Variants in DPCD observed in about 807,000 individuals in gnomAD.
DPCD encodes deleted in primary ciliary dyskinesia homolog (mouse), also known as protein DPCD.
A neutral mutation model predicts 26.4 loss-of-function variants in DPCD; 20 were observed. The observed-to-expected ratio is 0.76, with a 90% confidence interval of 0.53 to 1.10. The LOEUF is 1.10. Among genes scored for constraint, DPCD ranks in the 50% least tolerant of loss-of-function variants. DPCD has a pLI of 0.00. For missense variants in DPCD, 202 were observed against 253.9 expected (o/e 0.80, Z 1.39); for synonymous variants, 97 against 94.2 (o/e 1.03, Z -0.17).
intron 1 of DPCD, 92 bp from the exon 2 acceptor site, chr10:101,594,566 G>A: frequency 7.6e-7 from 1 of 1,323,804 alleles, no homozygotes; most frequent in African/African-American, 1.4e-5. Flanking sequence ...GTACTCCCAA[G>A]GCTGGCACTG....
At chr10:101,602,490 T>C (rs2063705117) in intron 4 of DPCD, among the ~76,000 whole-genome samples, 1 of 152,246 alleles carries the variant, frequency 6.6e-6, no homozygotes, top group Non-Finnish European at 1.5e-5. Context: ...ATTATTGCTG[T>C]ACATGCAGCC....
Position 101,600,871 on chromosome 10 carries a change from A to G in DPCD, c.270+9A>G. 6.2e-7 allele frequency: 1 copy of G among 1,613,870 alleles called. No homozygotes were observed. Among genetic ancestry groups the G allele is most frequent in the Non-Finnish European group, 8.5e-7 (1 of 1,179,938 alleles). On this transcript the variant is annotated intron_variant, in intron 3 of 5. Transcript: ENST00000370151. This position sits in a 1 kb window ranked among gnomAD's most constrained non-coding sequence, Gnocchi z 4.7. ...AGGAAAGCAATGCCAATGTACGTCC[A>G]TCTGTCCAGGTGTCTTGCACGGACT...
chr10:101,590,764 C>G (rs1023428105), intron 1 of DPCD, among the ~76,000 whole-genome samples: 64 of 151,962 alleles, frequency 4.2e-4, no homozygotes, highest in Non-Finnish European at 2.9e-5. Context: ...TCTGTACCCA[C>G]CAAATGCCAA....
Position 101,596,070 on chromosome 10 carries a change from G to A in DPCD, c.145+1332G>A, listed in dbSNP as rs1361108739. On this transcript the variant is annotated intron_variant, in intron 2 of 5. Transcript: ENST00000370151. ...GTAAAAACAAACAAATAAAACCCAG[G>A]CCTCTTTGTTGTGCTTGGATATGAA... 2.0e-5 allele frequency among the ~76,000 whole-genome samples: 3 copies of A among 152,154 alleles called. No individual in the cohort carries two copies. In the East Asian group the frequency reaches 5.8e-4, roughly 29 times the overall value.
chr10:101,590,456 T>C (rs2063598144), intron 1 of DPCD, among the ~76,000 whole-genome samples: 1 of 152,106 alleles, frequency 6.6e-6, no homozygotes, highest in African/African-American at 2.4e-5. Flanking sequence ...TGGTAATAAA[T>C]ACATAACAGA....
rs4919561 is a variant in DPCD at position 101,600,240 on chromosome 10, G to A, written c.146-498G>A. 0.032 allele frequency among the ~76,000 whole-genome samples: 4,841 copies of A among 152,054 alleles called. 94 individuals are homozygous for A. Among genetic ancestry groups the A allele is most frequent in the East Asian group, 0.097 (501 of 5,166 alleles). ...TTTAAGCAAGGTATACCTGAAAAGA[G>A]TGAATTTCTATATTTGGACTTTCTG... On this transcript the variant is annotated intron_variant, in intron 2 of 5. Transcript: ENST00000370151. The surrounding 1 kb of genome is among the most constrained non-coding windows in gnomAD (Gnocchi z 4.7).
intron 3 of DPCD, 31 bp from the exon 4 acceptor site, chr10:101,601,172 A>T: frequency 1.2e-6 from 2 of 1,613,054 alleles, no homozygotes; most frequent in Non-Finnish European, 1.7e-6. Context: ...TTCCCCAGGA[A>T]CAGTCCTCGA....
chr10:101,597,532 T>G (rs946308420), intron 2 of DPCD, among the ~76,000 whole-genome samples: 14 of 152,176 alleles, frequency 9.2e-5, no homozygotes, highest in African/African-American at 3.4e-4. Context: ...TGGGGCCTCC[T>G]TTCAGCAGTC....
At chr10:101,595,293 G>C (rs2063642739) in intron 2 of DPCD, among the ~76,000 whole-genome samples, 1 of 152,140 alleles carries the variant, frequency 6.6e-6, no homozygotes, top group Admixed American at 6.5e-5. Context: ...TTTCCTCTAA[G>C]AACAGGCTCA....
In DPCD at chr10:101,603,600, T is replaced by TA. The variant is rs1485518884; in HGVS notation, c.404+2265dup. Among the ~76,000 whole-genome samples the TA allele has an allele frequency of 1.3e-5, 2 of 151,906 alleles. No individual in the cohort carries two copies. Among genetic ancestry groups the TA allele is most frequent in the African/African-American group, 4.8e-5 (2 of 41,360 alleles). On this transcript the variant is annotated intron_variant, in intron 4 of 5. Coordinates refer to ENST00000370151, the MANE Select transcript of DPCD (RefSeq NM_015448.3). The surrounding 1 kb of genome is among the most constrained non-coding windows in gnomAD (Gnocchi z 4.6). The stretch of plus-strand genomic sequence containing the variant: ...TGGCGAAACCCTGTCTCTCTAAAAA[T>TA]ACAAAAATTAGCCAGGCGTGGTGGT...
chr10:101,591,827 G>A (rs926461187), intron 1 of DPCD, among the ~76,000 whole-genome samples: 4 of 151,750 alleles, frequency 2.6e-5, no homozygotes, highest in Non-Finnish European at 4.4e-5. Context: ...GATTATAGGC[G>A]CCCGCCACCA....
rs1301406798 is a variant in DPCD at position 101,588,383 on chromosome 10, C to G, written c.47C>G (p.Thr16Ser). Residue 16 changes from threonine (T) to serine (S), a missense_variant, in exon 1 of 6, where the codon ACT becomes AGT. Coordinates refer to ENST00000370151, the MANE Select transcript of DPCD (RefSeq NM_015448.3). ...WLESLRTAQK[T>S]ALLQDGRRKV... ...GAGAGTCTGCGGACAGCCCAGAAGA[C>G]TGCGCTGCTGCAGGACGGTAACTCG... The G allele has an allele frequency of 6.3e-7, 1 of 1,597,152 alleles. No homozygotes were observed. The highest frequency in any genetic ancestry group is 1.7e-5 in the Admixed American group (1 of 58,138).
intron 1 of DPCD, 137 bp from the exon 2 acceptor site, chr10:101,594,521 C>A: frequency 1.4e-6 from 1 of 732,564 alleles, no homozygotes; most frequent in Non-Finnish European, 2.4e-6. Context: ...TGGTGGTTGG[C>A]AAGGAGTTTG....
intron 1 of DPCD, among the ~76,000 whole-genome samples, chr10:101,589,143 C>T (rs945165451): frequency 3.9e-5 from 6 of 152,142 alleles, no homozygotes; most frequent in African/African-American, 1.4e-4. Context: ...AAGATAACAA[C>T]TGGTGACTCA....
rs916721165 is a variant in DPCD at position 101,603,450 on chromosome 10, A to AT, written c.404+2124dup. 6.6e-4 allele frequency among the ~76,000 whole-genome samples: 98 copies of AT among 148,386 alleles called. No individual in the cohort carries two copies. Among genetic ancestry groups the AT allele is most frequent in the African/African-American group, 2.0e-3 (81 of 40,496 alleles). ...TTTTTATTTTTATTTTTATTTATTT[A>AT]TTTTTTTTTTAAGAGATGGAGTCTT... On this transcript the variant is annotated intron_variant, in intron 4 of 5. Transcript: ENST00000370151. The surrounding 1 kb of genome is among the most constrained non-coding windows in gnomAD (Gnocchi z 4.6).
chr10:101,600,100 C>T lies in DPCD; in HGVS notation c.146-638C>T, dbSNP rs1228866830. Among the ~76,000 whole-genome samples the T allele has an allele frequency of 2.0e-5, 3 of 152,178 alleles. No individual in the cohort carries two copies. In the East Asian group the frequency reaches 5.8e-4, roughly 29 times the overall value. ...TGCATTCTAGAAGGATTCCCTTTTA[C>T]AAAAAATTCACATTAGATCTTTTAT... On this transcript the variant is annotated intron_variant, in intron 2 of 5. Coordinates refer to ENST00000370151, the MANE Select transcript of DPCD (RefSeq NM_015448.3). The surrounding 1 kb of genome is among the most constrained non-coding windows in gnomAD (Gnocchi z 4.7).
Position 101,601,081 on chromosome 10 carries a change from G to C in DPCD, c.271-122G>C, listed in dbSNP as rs967277083. Reference sequence around the variant, plus strand: ...GGCCTGGAGTGCTGTAGCAATAGCAGCGTCAGAGGGGAGCAGTGGAGAAGA... The same window carrying C: ...GGCCTGGAGTGCTGTAGCAATAGCACCGTCAGAGGGGAGCAGTGGAGAAGA... On this transcript the variant is annotated intron_variant, in intron 3 of 5. Transcript: ENST00000370151. 4.0e-6 allele frequency: 6 copies of C among 1,503,120 alleles called. No individual in the cohort carries two copies. In the African/African-American group the frequency reaches 4.1e-5, roughly 10 times the overall value. 93.1% of individuals were successfully genotyped at this position (1,503,120 alleles called of 1,614,324 possible). A position where few individuals can be genotyped will look rare whatever the true frequency, so the allele number is the denominator to read the frequency against.
At chr10:101,607,632 G>A (rs2063742429) in intron 4 of DPCD, among the ~76,000 whole-genome samples, 2 of 152,080 alleles carry the variant, frequency 1.3e-5, no homozygotes, top group African/African-American at 4.8e-5. Context: ...CAGGGCATAG[G>A]GGCTTTTGAA....
intron 4 of DPCD, 68 bp downstream of exon 4, chr10:101,601,404 C>A: frequency 6.5e-7 from 1 of 1,534,062 alleles, no homozygotes; most frequent in East Asian, 2.5e-5. Context: ...TTTGATCTGG[C>A]GTTAGGATCA....
Sources: gnomAD v4.1 joint callset for allele counts (sites outside exome capture counted in the v4.1 genomes callset) on GRCh38, gnomAD v4.1.1 for gene constraint, Gnocchi (gnomAD v3.1) non-coding constraint, MANE v1.5 for transcripts, NCBI Gene and HGNC (gene_info 2026-07-23, HGNC 2026-07-21) for gene names.